CFAP210: variants seen among roughly 807,000 people sequenced by gnomAD.
CFAP210 encodes the protein cilia and flagella associated protein 210, also known as cilia- and flagella- associated protein 210.
the CFAP210 span, among the ~76,000 whole-genome samples, chr2:169,676,165 A>C: frequency 6.6e-6 from 1 of 151,964 alleles, no homozygotes; most frequent in Admixed American, 6.6e-5. Context: ...TTTTTGTTAT[A>C]TGTCAAGTTC....
At chr2:169,664,290 G>A in the CFAP210 span, among the ~76,000 whole-genome samples, 2 of 152,070 alleles carry the variant, frequency 1.3e-5, no homozygotes, top group South Asian at 4.1e-4. Context: ...GCTACTTTAA[G>A]GGAAAACAAG....
chr2:169,675,284 T>C, the CFAP210 span, among the ~76,000 whole-genome samples: 3 of 152,232 alleles, frequency 2.0e-5, no homozygotes, highest in African/African-American at 7.2e-5. Context: ...TCCTTTTGTA[T>C]TAATCTGTTC....
the CFAP210 span, among the ~76,000 whole-genome samples, chr2:169,692,440 G>GCACACACACA: frequency 2.2e-5 from 2 of 92,120 alleles, no homozygotes; most frequent in African/African-American, 9.6e-5. Context: ...GGCAACAGGC[G>GCACACACACA]CACGCACACA....
the CFAP210 span, among the ~76,000 whole-genome samples, chr2:169,692,448 A>G: frequency 5.1e-3 from 345 of 67,164 alleles, 2 homozygotes; most frequent in Middle Eastern, 0.024. Flanking sequence ...GCGCACGCAC[A>G]CACACACACA....
the CFAP210 span, chr2:169,649,427 T>G: frequency 7.6e-7 from 1 of 1,319,234 alleles, no homozygotes; most frequent in South Asian, 1.4e-5. Context: ...AGTCAGAGAG[T>G]TGAAGCAGAG....
chr2:169,667,447 C>T, the CFAP210 span, among the ~76,000 whole-genome samples: 2 of 152,118 alleles, frequency 1.3e-5, no homozygotes, highest in African/African-American at 4.8e-5. Flanking sequence ...CCCAAATGTT[C>T]TTAATGGCAA....
the CFAP210 span, among the ~76,000 whole-genome samples, chr2:169,693,838 G>A: frequency 2.6e-5 from 4 of 152,148 alleles, no homozygotes; most frequent in Non-Finnish European, 5.9e-5. Context: ...GTTTGCAGAA[G>A]AGCCAAGCCT....
At chr2:169,686,520 A>G in the CFAP210 span, among the ~76,000 whole-genome samples, 2 of 152,164 alleles carry the variant, frequency 1.3e-5, no homozygotes, top group South Asian at 2.1e-4. Flanking sequence ...GAGGGGCTGC[A>G]TTTGGTGAGG....
the CFAP210 span, among the ~76,000 whole-genome samples, chr2:169,670,454 T>C: frequency 1.3e-5 from 2 of 152,234 alleles, no homozygotes; most frequent in East Asian, 1.9e-4. Context: ...TTCAGTTTTA[T>C]ATTGCTGAAT....
chr2:169,651,141 C>T, the CFAP210 span, among the ~76,000 whole-genome samples: 1 of 149,320 alleles, frequency 6.7e-6, no homozygotes, highest in Admixed American at 6.7e-5. Context: ...GCATGAGAAT[C>T]GCTTGAACCT....
chr2:169,658,485 G>A, the CFAP210 span: 2 of 153,018 alleles, frequency 1.3e-5, no homozygotes, highest in African/African-American at 4.8e-5. Context: ...ATAATTAGCT[G>A]CTGTAGGTTA....
chr2:169,694,206 C>T, the CFAP210 span: 2 of 1,568,772 alleles, frequency 1.3e-6, no homozygotes, highest in Non-Finnish European at 1.8e-6. Flanking sequence ...GCCTCTCACT[C>T]CATGCCGGGG....
chr2:169,675,124 G>A, the CFAP210 span: 1 of 982,072 alleles, frequency 1.0e-6, no homozygotes, highest in African/African-American at 1.7e-5. Flanking sequence ...GATAATTTGA[G>A]CTTTTATGTT....
the CFAP210 span, chr2:169,674,643 C>T: frequency 6.2e-7 from 1 of 1,608,878 alleles, no homozygotes; most frequent in Non-Finnish European, 8.5e-7. Context: ...TCTTGTTCTT[C>T]TTTAAAAGCT....
At chr2:169,691,204 G>C in the CFAP210 span, among the ~76,000 whole-genome samples, 1 of 151,920 alleles carries the variant, frequency 6.6e-6, no homozygotes, top group Non-Finnish European at 1.5e-5. Flanking sequence ...GATCCCTCTA[G>C]TTAATTTTTT....
At chr2:169,674,631 T>C in the CFAP210 span, 8 of 1,609,858 alleles carry the variant, frequency 5.0e-6, no homozygotes, top group Non-Finnish European at 6.8e-6. Context: ...TTTTCTGCTT[T>C]TTCTTGTTCT....
At chr2:169,694,082 C>T in the CFAP210 span, among the ~76,000 whole-genome samples, 2 of 152,294 alleles carry the variant, frequency 1.3e-5, no homozygotes, top group East Asian at 3.9e-4. Context: ...CACCCATTCA[C>T]CTGAGGGCAA....
At chr2:169,681,722 T>A in the CFAP210 span, among the ~76,000 whole-genome samples, 1 of 152,216 alleles carries the variant, frequency 6.6e-6, no homozygotes, top group African/African-American at 2.4e-5. Context: ...TGGGCCTAAT[T>A]GGTTTAAGAA....
chr2:169,659,865 T>C, the CFAP210 span, among the ~76,000 whole-genome samples: 1 of 152,222 alleles, frequency 6.6e-6, no homozygotes, highest in Non-Finnish European at 1.5e-5. Flanking sequence ...GATTTCTTCA[T>C]GGTTCAATCT....
Sources: allele counts gnomAD v4.1 joint callset (sites outside exome capture counted in the v4.1 genomes callset), GRCh38; gene constraint gnomAD v4.1.1; transcripts MANE v1.5; gene names NCBI Gene and HGNC (gene_info 2026-07-23, HGNC 2026-07-21).